Variants in ZNF200 observed in about 807,000 individuals in gnomAD.
ZNF200 encodes the protein zinc finger protein 200.
In ZNF200, 35 loss-of-function variants were observed where a neutral mutation model predicts 33.6. The observed-to-expected ratio is 1.04, with a 90% CI of 0.80 to 1.38. ZNF200 has a LOEUF of 1.38. Ranked by LOEUF, ZNF200 falls within the 40% of genes most tolerant of loss-of-function variation. The pLI is 0.00. For missense variants in ZNF200, 592 were observed against 470.6 expected (o/e 1.26, Z -2.39); for synonymous variants, 209 against 167.7 (o/e 1.25, Z -1.90).
At chr16:3,227,448 G>C (rs530030744) in intron 4 of ZNF200, 59 of 152,346 alleles carry the variant, frequency 3.9e-4, no homozygotes, top group Middle Eastern at 3.4e-3. Context: ...AATTTATCAA[G>C]TGGCTGTCAG....
In ZNF200 at chr16:3,232,440, G is replaced by C. The variant is rs149074386; in HGVS notation, c.447C>G (p.Val149=). The C allele has an allele frequency of 6.2e-7, 1 of 1,613,874 alleles. No individual in the cohort carries two copies. Among genetic ancestry groups the C allele is most frequent in the Non-Finnish European group, 8.5e-7 (1 of 1,179,940 alleles). Residue 149 remains valine (V), a synonymous_variant, in exon 4 of 5, where the codon GTC becomes GTG. Transcript: ENST00000414144. ...LTSEKEDDSS[V]GEMMLLAVNG... is the part of the protein sequence containing the mutation. ...TCTTACCCAGTAACATCATTTCCCCGACACTGCTGTCATCTTCCTTCTCTG... is the reference window on the plus strand; with the variant it reads ...TCTTACCCAGTAACATCATTTCCCCCACACTGCTGTCATCTTCCTTCTCTG...
In ZNF200 at chr16:3,233,645, G is replaced by A. The variant is rs1596343727; in HGVS notation, c.111C>T (p.Asn37=). The change falls in exon 2 of 5, where the codon AAC becomes AAT. Residue 37 remains asparagine, a synonymous_variant. Coordinates refer to ENST00000414144, the MANE Select transcript of ZNF200 (RefSeq NM_198088.3). ...CTAGCTGGTGGATGGTCTTGGGCCC[G>A]TTAGTGGCATCTCGAAGTAGGTCTT... ...LGQDLLRDAT[N]GPKTIHQLVL... 3.1e-6 allele frequency: 5 copies of A among 1,613,836 alleles called. No individual in the cohort carries two copies. The Admixed American group carries it at 5.0e-5, about 16-fold the overall frequency.
At chr16:3,234,492 G>C (rs1185341211) in intron 1 of ZNF200, 2 of 152,416 alleles carry the variant, frequency 1.3e-5, no homozygotes, top group Admixed American at 1.3e-4. Flanking sequence ...AAGACAGAAA[G>C]AAAGACGGTG....
chr16:3,233,382 A>G lies in ZNF200; in HGVS notation c.250+124T>C, dbSNP rs1023634133. 92 of 1,337,530 alleles carry G rather than the reference A, an allele frequency of 6.9e-5. No individual in the cohort carries two copies. The East Asian group carries it at 2.3e-3, about 33-fold the overall frequency. The allele number at this position is 1,337,530 out of a possible 1,614,324, so 82.9% of individuals were successfully genotyped here. ...TTGAGAAGAACTTCCTCTTTCCAAC[A>G]CTAGAATTGACTCCTTTTCCAATAT... On this transcript the variant is annotated intron_variant, in intron 2 of 4. Coordinates refer to ENST00000414144, the MANE Select transcript of ZNF200 (RefSeq NM_198088.3).
intron 4 of ZNF200, chr16:3,226,469 A>AT (rs1287447326): frequency 1.3e-5 from 2 of 152,242 alleles, no homozygotes; most frequent in Non-Finnish European, 2.9e-5. Flanking sequence ...TCATGTGAAT[A>AT]TTAACTTTAC....
rs373109647 is a variant in ZNF200 at position 3,233,772 on chromosome 16, C to T, written c.-17G>A. On this transcript the variant is annotated 5_prime_UTR_variant, in exon 2 of 5. It adds an upstream start codon to the 5' untranslated region. Coordinates refer to ENST00000414144, the MANE Select transcript of ZNF200 (RefSeq NM_198088.3). ...AGCCATCATGCCTTGCAACCACACA[C>T]CACACTCGTTTCGCGGGGCCTCCAG... is the stretch of plus-strand genomic sequence containing the variant. 44 of 1,596,954 alleles carry T rather than the reference C, an allele frequency of 2.8e-5. No individual in the cohort carries two copies. The highest frequency in any genetic ancestry group is 2.7e-4 in the South Asian group (24 of 89,190).
intron 4 of ZNF200, chr16:3,227,511 C>T (rs1958502853): frequency 1.3e-5 from 2 of 152,180 alleles, no homozygotes; most frequent in South Asian, 4.1e-4. Context: ...GGCTTTGTGT[C>T]CTCGCCCAAA....
chr16:3,231,808 C>G (rs960212789), intron 4 of ZNF200, among the ~76,000 whole-genome samples: 1 of 152,226 alleles, frequency 6.6e-6, no homozygotes, highest in Non-Finnish European at 1.5e-5. Context: ...CCCCTACTTA[C>G]AACTGTGTGA....
chr16:3,233,459 C>T (rs1958699288), intron 2 of ZNF200, 47 bp downstream of exon 2: 2 of 1,499,800 alleles, frequency 1.3e-6, no homozygotes, highest in South Asian at 2.8e-5. Context: ...TCTTAGACTC[C>T]AGTACCTCCT....
intron 4 of ZNF200, among the ~76,000 whole-genome samples, chr16:3,230,541 T>C (rs1257199733): frequency 1.3e-5 from 2 of 152,214 alleles, no homozygotes; most frequent in African/African-American, 4.8e-5. Flanking sequence ...ACTGAAAATC[T>C]GTTTAAGTGT....
chr16:3,230,672 T>C (rs752434005), intron 4 of ZNF200, among the ~76,000 whole-genome samples: 2 of 152,212 alleles, frequency 1.3e-5, no homozygotes, highest in Non-Finnish European at 2.9e-5. Flanking sequence ...CGTTATAGTT[T>C]TTCCTTTGCA....
At chr16:3,233,962 T>A in intron 1 of ZNF200, 126 bp from the exon 2 acceptor site, 1 of 628,784 alleles carries the variant, frequency 1.6e-6, no homozygotes, top group Non-Finnish European at 2.5e-6. Flanking sequence ...AGGGAAATCA[T>A]AACTGAAACG....
Position 3,223,611 on chromosome 16 carries a change from G to C in ZNF200, c.*281C>G, listed in dbSNP as rs1958386409. The C allele has an allele frequency of 6.6e-6, 2 of 303,174 alleles. No homozygotes were observed. The highest frequency in any genetic ancestry group is 1.2e-4 in the East Asian group (2 of 16,588). 18.8% of individuals were successfully genotyped at this position (303,174 alleles called of 1,614,324 possible). A position where few individuals can be genotyped will look rare whatever the true frequency, so the allele number is the denominator to read the frequency against. ...ACTCCAGATTCATCTTCAAAGTGTT[G>C]GGAAAGGGGATCTGTGACCTGTACA... On this transcript the variant is annotated 3_prime_UTR_variant, in exon 5 of 5. Coordinates refer to ENST00000414144, the MANE Select transcript of ZNF200 (RefSeq NM_198088.3).
chr16:3,233,629 G>T lies in ZNF200; in HGVS notation c.127C>A (p.His43Asn), dbSNP rs147509937. 1.2e-6 allele frequency: 2 copies of T among 1,613,834 alleles called. No individual in the cohort carries two copies. The highest frequency in any genetic ancestry group is 1.3e-5 in the African/African-American group (1 of 74,928). Residue 43 changes from histidine (H) to asparagine (N), a missense_variant, in exon 2 of 5, where the codon CAC becomes AAC. Physicochemically the swap from His to Asn is moderately conservative, Grantham distance 68. Coordinates refer to ENST00000414144, the MANE Select transcript of ZNF200 (RefSeq NM_198088.3). ...RDATNGPKTI[H>N]QLVLEHFLTF... is the part of the protein sequence containing the mutation. ...AGGAAGTGCTCCAGCACTAGCTGGT[G>T]GATGGTCTTGGGCCCGTTAGTGGCA...
At chr16:3,233,947 G>C (rs1019446823) in intron 1 of ZNF200, 111 bp from the exon 2 acceptor site, 4 of 763,002 alleles carry the variant, frequency 5.2e-6, no homozygotes, top group Non-Finnish European at 2.0e-6. Flanking sequence ...AACGACAGCT[G>C]GGATAGGGAA....
At chr16:3,233,899 T>C in intron 1 of ZNF200, 63 bp from the exon 2 acceptor site, 1 of 1,356,130 alleles carries the variant, frequency 7.4e-7, no homozygotes, top group Non-Finnish European at 9.9e-7. Flanking sequence ...CACTCCAATA[T>C]GTGGCATGGC....
At chr16:3,230,994 A>G (rs1958621807) in intron 4 of ZNF200, among the ~76,000 whole-genome samples, 1 of 152,232 alleles carries the variant, frequency 6.6e-6, no homozygotes, top group Non-Finnish European at 1.5e-5. Flanking sequence ...GCAAGAATAT[A>G]ACATCTTCGT....
At chr16:3,234,375 G>A (rs1380243873) in intron 1 of ZNF200, among the ~76,000 whole-genome samples, 1 of 152,066 alleles carries the variant, frequency 6.6e-6, no homozygotes, top group East Asian at 1.9e-4. Flanking sequence ...ACTGCAGTCT[G>A]AGCGACAAAG....
chr16:3,224,895 A>G (rs1301528020), intron 4 of ZNF200: 2 of 388,240 alleles, frequency 5.2e-6, no homozygotes, highest in Non-Finnish European at 9.4e-6. Context: ...ATTACTCGAC[A>G]AGTTCATATT....
Sources: allele counts gnomAD v4.1 joint callset (sites outside exome capture counted in the v4.1 genomes callset), GRCh38; gene constraint gnomAD v4.1.1; transcripts MANE v1.5; gene names NCBI Gene and HGNC (gene_info 2026-07-23, HGNC 2026-07-21).